TRHDE: variants seen among roughly 807,000 people sequenced by gnomAD.
TRHDE encodes the protein thyrotropin releasing hormone degrading enzyme.
A neutral mutation model predicts 125.7 loss-of-function variants in TRHDE; 72 were observed. That is an observed-to-expected ratio of 0.57 (90% confidence interval 0.47 to 0.70). TRHDE has a LOEUF of 0.70. Among genes scored for constraint, TRHDE ranks in the 30% least tolerant of loss-of-function variants. The probability of loss-of-function intolerance (pLI) is 0.00; values close to 1 mark genes in which losing one functional copy is unlikely to be tolerated. For missense variants in TRHDE, 1,110 were observed against 1,327.1 expected (o/e 0.84, Z 2.54); for synonymous variants, 509 against 509.1 (o/e 1.00, Z 0.00).
intron 1 of TRHDE, among the ~76,000 whole-genome samples, chr12:72,093,557 C>T (rs1435692952): frequency 6.6e-6 from 1 of 152,000 alleles, no homozygotes; most frequent in Admixed American, 6.6e-5. Context: ...TTCCAAATTA[C>T]CTGTTTTTGA....
intron 2 of TRHDE, among the ~76,000 whole-genome samples, chr12:72,154,104 G>T (rs1876441568): frequency 6.6e-6 from 1 of 152,110 alleles, no homozygotes; most frequent in African/African-American, 2.4e-5. Context: ...TATATATTTA[G>T]GATAGTTAGC....
chr12:72,654,660 A>G lies in TRHDE; in HGVS notation c.2984+1504A>G, dbSNP rs145286958. Among the ~76,000 whole-genome samples, 445 of 152,180 alleles carry G rather than the reference A, an allele frequency of 2.9e-3. 1 individual carries two copies. The highest frequency in any genetic ancestry group is 0.01 in the African/African-American group (420 of 41,510). On this transcript the variant is annotated intron_variant, in intron 17 of 18. Transcript: ENST00000261180. ...CAGTAAATCTTGTAGCCATCCACCA[A>G]TTGCTCAAGCCCAACATCTGGAAGT...
intron 12 of TRHDE, among the ~76,000 whole-genome samples, chr12:72,579,830 TATTTA>T (rs998884264): frequency 2.0e-5 from 3 of 152,158 alleles, no homozygotes; most frequent in African/African-American, 7.2e-5. Context: ...CAATCCTACT[TATTTA>T]AAGGTTTTAA....
chr12:72,627,426 T>C (rs1565815139), intron 15 of TRHDE, among the ~76,000 whole-genome samples: 2 of 151,744 alleles, frequency 1.3e-5, no homozygotes, highest in Admixed American at 1.3e-4. Flanking sequence ...GCCTGCAGAG[T>C]CCTAGCACAG....
chr12:72,581,275 G>A (rs886111199), intron 12 of TRHDE, among the ~76,000 whole-genome samples: 2 of 152,112 alleles, frequency 1.3e-5, no homozygotes, highest in African/African-American at 2.4e-5. Context: ...TATAATCAAC[G>A]GGTTGGGTAT....
intron 2 of TRHDE, among the ~76,000 whole-genome samples, chr12:72,238,275 A>AATATAT (rs71071820): frequency 3.9e-4 from 15 of 38,222 alleles, no homozygotes; most frequent in South Asian, 1.6e-3. Flanking sequence ...TCAGATCCTT[A>AATATAT]ATATATATAT....
At chr12:72,405,837 T>A (rs1323825069) in intron 3 of TRHDE, among the ~76,000 whole-genome samples, 1 of 152,206 alleles carries the variant, frequency 6.6e-6, no homozygotes, top group African/African-American at 2.4e-5. Context: ...ATTCTGAGGG[T>A]GTAAATATCA....
In TRHDE at chr12:72,570,512, C is replaced by T. The variant is rs535261522; in HGVS notation, c.2131+1856C>T. Among the ~76,000 whole-genome samples the T allele has an allele frequency of 2.2e-3, 299 of 133,356 alleles. 2 individuals are homozygous for T. Among genetic ancestry groups the T allele is most frequent in the African/African-American group, 7.5e-3 (278 of 36,920 alleles). The allele number at this position is 133,356 out of a possible 152,430, so 87.5% of individuals were successfully genotyped here. On this transcript the variant is annotated intron_variant, in intron 10 of 18. Coordinates refer to ENST00000261180, the MANE Select transcript of TRHDE (RefSeq NM_013381.3). ...AGGAGAATCGCTTGAACCCAGTAGG[C>T]GGAGGTTGCAGTGAGCCGAGATCGC...
At chr12:72,246,560 C>T (rs369778326) in intron 2 of TRHDE, among the ~76,000 whole-genome samples, 155 of 152,246 alleles carry the variant, frequency 1.0e-3, no homozygotes, top group African/African-American at 2.8e-3. Flanking sequence ...AGGTCTTCCT[C>T]GGGCCTGCTC....
At chr12:72,655,790 A>G (rs1320205561) in intron 17 of TRHDE, among the ~76,000 whole-genome samples, 1 of 152,210 alleles carries the variant, frequency 6.6e-6, no homozygotes, top group Non-Finnish European at 1.5e-5. Context: ...ACAATTTTGT[A>G]CCCACATACT....
chr12:72,271,622 C>A (rs1163505191), upstream of TRHDE, among the ~76,000 whole-genome samples: 1 of 152,164 alleles, frequency 6.6e-6, no homozygotes, highest in Admixed American at 6.5e-5. Flanking sequence ...GCCTTTCCTG[C>A]CTCCTCGCGC....
chr12:72,156,554 A>T (rs1490264983), intron 2 of TRHDE, among the ~76,000 whole-genome samples: 2 of 152,100 alleles, frequency 1.3e-5, no homozygotes, highest in Non-Finnish European at 2.9e-5. Context: ...TGAGTCTTAA[A>T]TAGATTGAGT....
At chr12:72,547,269 C>T (rs927738758) in intron 7 of TRHDE, among the ~76,000 whole-genome samples, 2 of 151,412 alleles carry the variant, frequency 1.3e-5, no homozygotes, top group East Asian at 3.9e-4. Context: ...ATGTTCTCAG[C>T]TGATTTCAAC....
chr12:72,632,161 A>T (rs756392180), intron 15 of TRHDE, among the ~76,000 whole-genome samples: 6 of 151,928 alleles, frequency 3.9e-5, no homozygotes, highest in Non-Finnish European at 4.4e-5. Flanking sequence ...GTGCTTGTGT[A>T]TTTGCTATGG....
chr12:72,296,839 G>A (rs529057020), intron 2 of TRHDE, among the ~76,000 whole-genome samples: 1 of 152,330 alleles, frequency 6.6e-6, no homozygotes, highest in Non-Finnish European at 1.5e-5. Context: ...AGTGAGTGTA[G>A]AATGAAGAAA....
chr12:72,323,139 G>A (rs1165694217), intron 2 of TRHDE, among the ~76,000 whole-genome samples: 1 of 152,110 alleles, frequency 6.6e-6, no homozygotes, highest in Non-Finnish European at 1.5e-5. Flanking sequence ...ACAAAAATGT[G>A]TCTATATAAA....
intron 2 of TRHDE, among the ~76,000 whole-genome samples, chr12:72,307,431 A>G (rs1449741490): frequency 1.3e-5 from 2 of 151,756 alleles, no homozygotes; most frequent in African/African-American, 4.8e-5. Flanking sequence ...CCGCCTCCCA[A>G]AGTGCTGGAA....
chr12:72,644,295 G>A (rs1326644329), intron 15 of TRHDE, among the ~76,000 whole-genome samples: 2 of 151,696 alleles, frequency 1.3e-5, no homozygotes, highest in Non-Finnish European at 2.9e-5. Flanking sequence ...GGAGAAATGA[G>A]GTAGGTTCAT....
intron 2 of TRHDE, among the ~76,000 whole-genome samples, chr12:72,250,412 A>G (rs1878655892): frequency 6.6e-6 from 1 of 152,188 alleles, no homozygotes; most frequent in South Asian, 2.1e-4. Flanking sequence ...TAGGAGGATC[A>G]CGCTGGCTTC....
Sources: gnomAD v4.1 joint callset for allele counts (sites outside exome capture counted in the v4.1 genomes callset) on GRCh38, gnomAD v4.1.1 for gene constraint, MANE v1.5 for transcripts, NCBI Gene and HGNC (gene_info 2026-07-23, HGNC 2026-07-21) for gene names.